CATSPER3: variants seen among roughly 807,000 people sequenced by gnomAD.
The protein encoded by CATSPER3 is cation channel sperm associated 3, also known as cation channel sperm-associated protein 3.
A neutral mutation model predicts 36.6 loss-of-function variants in CATSPER3; 23 were observed. That is an observed-to-expected ratio of 0.63 (90% CI 0.45 to 0.89). The LOEUF is 0.89. Among genes scored for constraint, CATSPER3 ranks in the 40% least tolerant of loss-of-function variants. CATSPER3 has a pLI of 0.00. For synonymous variants in CATSPER3, 172 were observed against 184.1 expected, an observed-to-expected ratio of 0.93 and a Z score of 0.53; for missense variants, 474 against 503.9, an observed-to-expected ratio of 0.94 and a Z score of 0.57.
At chr5:134,976,216 G>A (rs147451800) in intron 2 of CATSPER3, among the ~76,000 whole-genome samples, 133 of 152,284 alleles carry the variant, frequency 8.7e-4, no homozygotes, top group African/African-American at 2.8e-3. Flanking sequence ...ATCTGCTTCT[G>A]GTGATGCTGG....
intron 5 of CATSPER3, 104 bp from the exon 6 acceptor site, chr5:135,009,264 GCTC>G: frequency 8.2e-7 from 1 of 1,222,762 alleles, no homozygotes. Flanking sequence ...GGGGAAAAGT[GCTC>G]CTGCTGAGGG....
At chr5:134,982,692 T>TA (rs1393657839) in intron 2 of CATSPER3, among the ~76,000 whole-genome samples, 1 of 152,190 alleles carries the variant, frequency 6.6e-6, no homozygotes, top group Non-Finnish European at 1.5e-5. Context: ...AAAAAAATGA[T>TA]AAAAGTTGTT....
intron 2 of CATSPER3, among the ~76,000 whole-genome samples, chr5:134,993,219 T>C (rs1751899729): frequency 6.6e-6 from 1 of 152,190 alleles, no homozygotes; most frequent in Non-Finnish European, 1.5e-5. Flanking sequence ...GGGACAAATA[T>C]TGTATGGTTT....
At chr5:134,986,399 C>T (rs552657661) in intron 2 of CATSPER3, among the ~76,000 whole-genome samples, 3 of 151,590 alleles carry the variant, frequency 2.0e-5, no homozygotes, top group African/African-American at 4.8e-5. Context: ...TCACCTCGGC[C>T]TCCCAAAGTG....
chr5:134,994,242 G>C (rs1421058597), intron 2 of CATSPER3, among the ~76,000 whole-genome samples: 1 of 152,200 alleles, frequency 6.6e-6, no homozygotes, highest in Middle Eastern at 3.2e-3. Context: ...ATGTCTTCCT[G>C]ATCAATAAGA....
intron 2 of CATSPER3, among the ~76,000 whole-genome samples, chr5:134,975,622 G>A (rs1400939495): frequency 6.6e-6 from 1 of 152,076 alleles, no homozygotes; most frequent in African/African-American, 2.4e-5. Flanking sequence ...CTTATTAAAA[G>A]ACAACAAATA....
intron 2 of CATSPER3, 138 bp from the exon 3 acceptor site, chr5:134,996,135 T>G: frequency 9.5e-7 from 1 of 1,057,856 alleles, no homozygotes. Flanking sequence ...GTGTGCTGTG[T>G]GCCAGAAACT....
intron 3 of CATSPER3, 144 bp downstream of exon 3, chr5:134,996,656 A>G: frequency 4.2e-6 from 3 of 720,398 alleles, no homozygotes; most frequent in South Asian, 1.8e-5. Flanking sequence ...TACCAATATT[A>G]TCTCATTTAA....
At chr5:134,976,438 G>A (rs928274567) in intron 2 of CATSPER3, among the ~76,000 whole-genome samples, 1 of 152,102 alleles carries the variant, frequency 6.6e-6, no homozygotes, top group Non-Finnish European at 1.5e-5. Flanking sequence ...TGGTGCAAGG[G>A]GTGGGCTCCC....
At chr5:134,997,580 C>T (rs1184252791) in intron 3 of CATSPER3, among the ~76,000 whole-genome samples, 2 of 152,208 alleles carry the variant, frequency 1.3e-5, no homozygotes, top group African/African-American at 4.8e-5. Flanking sequence ...ATCCAGTGGC[C>T]AGTTCCCTTG....
intron 5 of CATSPER3, 138 bp from the exon 6 acceptor site, chr5:135,009,233 G>T: frequency 2.0e-6 from 2 of 1,020,266 alleles, no homozygotes; most frequent in Non-Finnish European, 3.1e-6. Context: ...TTGGCAGCTT[G>T]AGTGGCGGCT....
intron 2 of CATSPER3, among the ~76,000 whole-genome samples, chr5:134,988,653 C>T (rs1440551548): frequency 6.6e-6 from 1 of 152,228 alleles, no homozygotes; most frequent in Non-Finnish European, 1.5e-5. Flanking sequence ...TTAGTCACAT[C>T]TTCAAGCTCC....
At chr5:134,996,845 C>T (rs1751956723) in intron 3 of CATSPER3, among the ~76,000 whole-genome samples, 1 of 152,214 alleles carries the variant, frequency 6.6e-6, no homozygotes, top group African/African-American at 2.4e-5. Context: ...TTTTCTTATG[C>T]TATGCATCCT....
rs777265038 is a variant in CATSPER3 at position 134,970,065 on chromosome 5, A to C, written c.225A>C (p.Ile75=). ...FFMALWTSYD[I]RYRLFRLLEF... ...TGGCCTTGTGGACCAGTTATGACAT[A>C]AGGTACCGCTTGTTCAGACTTCTTG... Residue 75 remains isoleucine, a synonymous_variant, in exon 2 of 8, where the codon ATA becomes ATC. Coordinates refer to ENST00000282611, the MANE Select transcript of CATSPER3 (RefSeq NM_178019.3). The C allele has an allele frequency of 1.2e-6, 2 of 1,614,096 alleles. No individual in the cohort carries two copies. The highest frequency in any genetic ancestry group is 2.2e-5 in the South Asian group (2 of 91,076).
chr5:134,987,691 T>G (rs1751828608), intron 2 of CATSPER3, among the ~76,000 whole-genome samples: 1 of 151,950 alleles, frequency 6.6e-6, no homozygotes, highest in Non-Finnish European at 1.5e-5. Context: ...ACCAGTAGAG[T>G]GAAGGAAAAA....
intron 7 of CATSPER3, among the ~76,000 whole-genome samples, chr5:135,010,801 G>A (rs918110736): frequency 6.6e-6 from 1 of 152,314 alleles, no homozygotes; most frequent in Non-Finnish European, 1.5e-5. Flanking sequence ...GAAGTCTCCA[G>A]GCCTCTCCTC....
chr5:135,006,343 T>C (rs1752085637), intron 3 of CATSPER3, among the ~76,000 whole-genome samples: 1 of 152,138 alleles, frequency 6.6e-6, no homozygotes, highest in Non-Finnish European at 1.5e-5. Flanking sequence ...GGCCTGGAGG[T>C]GGGAGGCCCA....
intron 2 of CATSPER3, among the ~76,000 whole-genome samples, chr5:134,980,169 A>G (rs894223000): frequency 2.0e-5 from 3 of 151,588 alleles, no homozygotes; most frequent in African/African-American, 7.3e-5. Flanking sequence ...TTTTGTAGAG[A>G]TGGGGTCTCA....
chr5:135,007,809 CCCA>C, intron 3 of CATSPER3, 145 bp from the exon 4 acceptor site: 2 of 128,886 alleles, frequency 1.6e-5, no homozygotes, highest in Non-Finnish European at 3.2e-5. Flanking sequence ...AACCAACCCA[CCCA>C]CCCACCCTTA....
Sources: allele counts gnomAD v4.1 joint callset (sites outside exome capture counted in the v4.1 genomes callset), GRCh38; gene constraint gnomAD v4.1.1; transcripts MANE v1.5; gene names NCBI Gene and HGNC (gene_info 2026-07-23, HGNC 2026-07-21).